CARS1: variants seen among roughly 807,000 people sequenced by gnomAD.
CARS1 encodes cysteine--tRNA ligase, cytoplasmic.
A neutral mutation model predicts 106.2 loss-of-function variants in CARS1; 48 were observed. The ratio of observed to expected loss-of-function variants is 0.45; its 90% confidence interval spans 0.36 to 0.57. The LOEUF (loss-of-function observed/expected upper bound fraction) is 0.57, where lower values mean the gene tolerates loss of function less well. CARS1 is among the 20% of genes least tolerant of loss of function. The pLI is 0.00. For missense variants in CARS1, 968 were observed against 1,057.2 expected (o/e 0.92, Z 1.17); for synonymous variants, 409 against 403.4 (o/e 1.01, Z -0.17).
Position 3,008,930 on chromosome 11 carries a change from A to C in CARS1, c.2069-1971T>G, listed in dbSNP as rs971310860. The C allele has an allele frequency of 6.6e-6, 1 of 152,218 alleles. No individual in the cohort carries two copies. Among genetic ancestry groups the C allele is most frequent in the African/African-American group, 2.4e-5 (1 of 41,416 alleles). The allele number at this position is 152,218 out of a possible 1,614,324, so 9.4% of individuals were successfully genotyped here. A position where few individuals can be genotyped will look rare whatever the true frequency, so the allele number is the denominator to read the frequency against. ...TGTCACGGGTGTCATGGGAGGCCAC[A>C]AGGCCAGCACCCCAGCCCACCCGCC... On this transcript the variant is annotated intron_variant, in intron 18 of 22. Coordinates refer to ENST00000380525, the MANE Select transcript of CARS1 (RefSeq NM_001014437.3). This position sits in a 1 kb window ranked among gnomAD's most constrained non-coding sequence, Gnocchi z 5.1.
chr11:3,002,197 A>C, intron 21 of CARS1, 144 bp from the exon 22 acceptor site: 1 of 701,686 alleles, frequency 1.4e-6, no homozygotes, highest in Non-Finnish European at 2.5e-6. Context: ...GGAAGGGGAA[A>C]GCCAAGGTGG....
At position 3,038,052 on chromosome 11, in the gene CARS1, CCA is replaced by C; in HGVS notation, c.797_798del (p.Val266GlyfsTer13). 1 of 1,612,634 alleles carries C rather than the reference CCA, an allele frequency of 6.2e-7. No individual in the cohort carries two copies. Among genetic ancestry groups the C allele is most frequent in the Non-Finnish European group, 8.5e-7 (1 of 1,178,788 alleles). ...CTGGGAGATGTGTGAAGCCTCACCT[CCA>C]CACAGCTGTTGACTTCCTCTCCCGT... is the stretch of plus-strand genomic sequence containing the variant. ...RLTGEEVNSC[V>X]EVLLEEAKDL... On this transcript the variant is annotated frameshift_variant, in exon 7 of 23. Coordinates refer to ENST00000380525, the MANE Select transcript of CARS1 (RefSeq NM_001014437.3). LOFTEE classifies it high-confidence loss of function. This position sits in a 1 kb window ranked among gnomAD's most constrained non-coding sequence, Gnocchi z 4.0.
At position 3,034,967 on chromosome 11, in the gene CARS1, G is replaced by C. The variant is rs1452142497; in HGVS notation, c.801+3083C>G. 6.6e-6 allele frequency among the ~76,000 whole-genome samples: 1 copy of C among 152,158 alleles called. No individual in the cohort carries two copies. The highest frequency in any genetic ancestry group is 1.5e-5 in the Non-Finnish European group (1 of 68,034). On this transcript the variant is annotated intron_variant, in intron 7 of 22. Coordinates refer to ENST00000380525, the MANE Select transcript of CARS1 (RefSeq NM_001014437.3). This position sits in a 1 kb window ranked among gnomAD's most constrained non-coding sequence, Gnocchi z 6.3. Reference sequence around the variant, plus strand: ...TTTCCCAGAGTCCCAAGGTGGCGCAGAGCATCACATGGCCAGGGGGCTCAT... The same window carrying C: ...TTTCCCAGAGTCCCAAGGTGGCGCACAGCATCACATGGCCAGGGGGCTCAT...
intron 10 of CARS1, among the ~76,000 whole-genome samples, chr11:3,026,194 A>G (rs4758506): frequency 0.93 from 141,867 of 152,164 alleles, 66,222 homozygotes; most frequent in African/African-American, 0.98. Context: ...AGCTGAGAAG[A>G]GTCAGGTCAG....
rs114617086 is a variant in CARS1, at chr11:3,025,831, G to A, written c.1153+845C>T. Among the ~76,000 whole-genome samples the A allele has an allele frequency of 6.8e-3, 1,033 of 152,280 alleles. 5 individuals carry two copies. Among genetic ancestry groups the A allele is most frequent in the African/African-American group, 0.023 (975 of 41,538 alleles). ...GTTTGAAGCATTTGGATCCAGATGG[G>A]CGCACAGGCTGTTGTCAAATATGCA... is the stretch of plus-strand genomic sequence containing the variant. On this transcript the variant is annotated intron_variant, in intron 10 of 22. Transcript: ENST00000380525.
chr11:3,017,079 G>A lies in CARS1; in HGVS notation c.1917+27C>T. 6.3e-7 allele frequency: 1 copy of A among 1,595,424 alleles called. No individual in the cohort carries two copies. The highest frequency in any genetic ancestry group is 1.1e-5 in the South Asian group (1 of 89,896). ...GCTCCTGTGTCCACACAGGCTGAGGGATACGCCTGCCTGGGGCCTGGCTTA... is the reference window on the plus strand; with the variant it reads ...GCTCCTGTGTCCACACAGGCTGAGGAATACGCCTGCCTGGGGCCTGGCTTA... On this transcript the variant is annotated intron_variant, in intron 16 of 22. Transcript: ENST00000380525. The surrounding 1 kb of genome is among the most constrained non-coding windows in gnomAD (Gnocchi z 4.9).
rs574914962 is a variant in CARS1 at position 3,048,057 on chromosome 11, G to A, written c.26-56C>T. On this transcript the variant is annotated intron_variant, in intron 1 of 22. Coordinates refer to ENST00000380525, the MANE Select transcript of CARS1 (RefSeq NM_001014437.3). The surrounding 1 kb of genome is among the most constrained non-coding windows in gnomAD (Gnocchi z 5.1). ...CAGGCAGGCGGGCAGCCCAGAGGCC[G>A]CCAGAAAGACAGGGACTAGGGGATG... 4.1e-5 allele frequency: 65 copies of A among 1,586,876 alleles called. No individual in the cohort carries two copies. The highest frequency in any genetic ancestry group is 4.5e-5 in the East Asian group (2 of 44,398).
rs1332717442 is a variant in CARS1, at chr11:3,022,016, C to T, written c.1154-1684G>A. On this transcript the variant is annotated intron_variant, in intron 10 of 22. Coordinates refer to ENST00000380525, the MANE Select transcript of CARS1 (RefSeq NM_001014437.3). The surrounding 1 kb of genome is among the most constrained non-coding windows in gnomAD (Gnocchi z 4.9). ...ACACAGGACCCTCCCCACAAACACC[C>T]TATCCTTCAGCAAACATCACACTGC... is the stretch of plus-strand genomic sequence containing the variant. Among the ~76,000 whole-genome samples the T allele has an allele frequency of 6.6e-6, 1 of 152,166 alleles. No homozygotes were observed. The highest frequency in any genetic ancestry group is 2.4e-5 in the African/African-American group (1 of 41,440).
intron 10 of CARS1, 46 bp downstream of exon 10, chr11:3,026,630 G>C (rs1269393966): frequency 6.2e-7 from 1 of 1,603,794 alleles, no homozygotes; most frequent in Admixed American, 1.7e-5. Flanking sequence ...AACCCAGGCT[G>C]GGCCAGGAGG....
intron 1 of CARS1, among the ~76,000 whole-genome samples, chr11:3,055,776 A>G (rs559032950): frequency 1.3e-5 from 2 of 152,266 alleles, no homozygotes; most frequent in African/African-American, 4.8e-5. Flanking sequence ...GAAAACAAAC[A>G]GGCCCTAACT....
At position 3,052,518 on chromosome 11, in the gene CARS1, T is replaced by A. The variant is rs1855801683; in HGVS notation, c.26-4517A>T. Among the ~76,000 whole-genome samples, 1 of 152,220 alleles carries A rather than the reference T, an allele frequency of 6.6e-6. No homozygotes were observed. The highest frequency in any genetic ancestry group is 2.4e-5 in the African/African-American group (1 of 41,456). On this transcript the variant is annotated intron_variant, in intron 1 of 22. Coordinates refer to ENST00000380525, the MANE Select transcript of CARS1 (RefSeq NM_001014437.3). This position sits in a 1 kb window ranked among gnomAD's most constrained non-coding sequence, Gnocchi z 4.6. ...TAATTAATTTTATTATTTTAAAAGT[T>A]TATTACCAAATCTGCCTTGATCTTG...
rs559926417 is a variant in CARS1 at position 3,014,226 on chromosome 11, G to A, written c.1986+1555C>T. Among the ~76,000 whole-genome samples the A allele has an allele frequency of 8.1e-4, 123 of 152,306 alleles. 1 individual carries two copies. Among genetic ancestry groups the A allele is most frequent in the African/African-American group, 2.7e-3 (112 of 41,560 alleles). ...GGCTGCAGGGGTGTGTCTCAAGAAC[G>A]CCTGGGGCTGCAACCCCCACCTGAG... On this transcript the variant is annotated intron_variant, in intron 17 of 22. Coordinates refer to ENST00000380525, the MANE Select transcript of CARS1 (RefSeq NM_001014437.3).
intron 1 of CARS1, chr11:3,055,028 G>T: frequency 1.4e-6 from 1 of 698,008 alleles, no homozygotes; most frequent in South Asian, 1.5e-5. Context: ...CTTCAAGACC[G>T]CAAAGGAAAA....
intron 7 of CARS1, among the ~76,000 whole-genome samples, chr11:3,032,366 C>T (rs1274917612): frequency 2.0e-5 from 3 of 152,064 alleles, no homozygotes; most frequent in African/African-American, 4.8e-5. Flanking sequence ...CCACCGCGCC[C>T]GGCCAATAAC....
At chr11:3,049,598 C>T (rs906306458) in intron 1 of CARS1, among the ~76,000 whole-genome samples, 3 of 152,216 alleles carry the variant, frequency 2.0e-5, no homozygotes, top group Non-Finnish European at 4.4e-5. Context: ...GGAAAAGGAC[C>T]GATGCTTGCT....
In CARS1 at chr11:3,039,083, C is replaced by A; in HGVS notation, c.651+111G>T. On this transcript the variant is annotated intron_variant, in intron 6 of 22. Transcript: ENST00000380525. The surrounding 1 kb of genome is among the most constrained non-coding windows in gnomAD (Gnocchi z 5.6). ...TGACGGAACTGGCTTGAGTAACATA[C>A]ACTTTGTGAAAGCCTGTGAGACTGA... is the stretch of plus-strand genomic sequence containing the variant. The A allele has an allele frequency of 1.4e-6, 1 of 702,878 alleles. No individual in the cohort carries two copies. The highest frequency in any genetic ancestry group is 2.6e-5 in the East Asian group (1 of 37,830). The allele number at this position is 702,878 out of a possible 1,614,324, so 43.5% of individuals were successfully genotyped here. A position where few individuals can be genotyped will look rare whatever the true frequency, so the allele number is the denominator to read the frequency against.
chr11:3,013,949 T>A (rs1850746345), intron 17 of CARS1, among the ~76,000 whole-genome samples: 1 of 152,156 alleles, frequency 6.6e-6, no homozygotes. Flanking sequence ...AGACTCTGTC[T>A]CAAAAACAGA....
rs929023732 is a variant in CARS1 at position 3,026,814 on chromosome 11, G to A, written c.1032-17C>T. ...GAGACATAGCTGGAAAACAGAAAAG[G>A]AATTGGGTGGGTGCATCTAACAGAC... On this transcript the variant is annotated splice_polypyrimidine_tract_variant and intron_variant, in intron 9 of 22. Transcript: ENST00000380525. 2 of 1,605,366 alleles carry A rather than the reference G, an allele frequency of 1.2e-6. No individual in the cohort carries two copies. The highest frequency in any genetic ancestry group is 2.7e-5 in the African/African-American group (2 of 74,844).
At chr11:3,049,019 G>A (rs1162871320) in intron 1 of CARS1, among the ~76,000 whole-genome samples, 4 of 152,222 alleles carry the variant, frequency 2.6e-5, no homozygotes, top group South Asian at 2.1e-4. Flanking sequence ...ACACATGCAC[G>A]CTGACCAGCT....
Sources: allele counts gnomAD v4.1 joint callset (sites outside exome capture counted in the v4.1 genomes callset), GRCh38; gene constraint gnomAD v4.1.1; non-coding constraint Gnocchi (gnomAD v3.1); transcripts MANE v1.5; gene names NCBI Gene and HGNC (gene_info 2026-07-23, HGNC 2026-07-21).